RIC1: variants seen among roughly 807,000 people sequenced by gnomAD.
RIC1 encodes the protein RIC1 partner of RAB6A GEF complex.
In RIC1, 88 loss-of-function variants were observed where a neutral mutation model predicts 169.0. The observed-to-expected ratio is 0.52, with a 90% CI of 0.44 to 0.62. RIC1 has a LOEUF of 0.62. Ranked by LOEUF, RIC1 falls within the 20% of genes least tolerant of loss-of-function variation. RIC1 has a pLI of 0.00. For synonymous variants in RIC1, 790 were observed against 601.5 expected, an observed-to-expected ratio of 1.31 and a Z score of -4.59; for missense variants, 1,877 against 1,725.5, an observed-to-expected ratio of 1.09 and a Z score of -1.56.
chr9:5,697,371 G>C (rs1249253658), intron 3 of RIC1, among the ~76,000 whole-genome samples: 1 of 152,134 alleles, frequency 6.6e-6, no homozygotes, highest in Non-Finnish European at 1.5e-5. Context: ...GCTGCCTGCT[G>C]TCTCATGTCT....
chr9:5,670,016 T>G (rs912757566), intron 2 of RIC1, among the ~76,000 whole-genome samples: 4 of 152,188 alleles, frequency 2.6e-5, no homozygotes, highest in African/African-American at 9.7e-5. Context: ...GACTAAAGTT[T>G]GACTAAGCAC....
At position 5,767,159 on chromosome 9, in the gene RIC1, G is replaced by A. The variant is rs534237213; in HGVS notation, c.3137+1361G>A. On this transcript the variant is annotated intron_variant, in intron 21 of 25. Transcript: ENST00000414202. ...TAGGTAATCCAAAAGCCTTCTTAAA[G>A]TCGTAATTTTACCTTTCCTTCTAAT... 2.0e-5 allele frequency among the ~76,000 whole-genome samples: 3 copies of A among 152,330 alleles called. No individual in the cohort carries two copies. In the East Asian group the frequency reaches 5.8e-4, roughly 29 times the overall value.
At chr9:5,637,712 G>A (rs1208680908) in intron 1 of RIC1, among the ~76,000 whole-genome samples, 1 of 152,184 alleles carries the variant, frequency 6.6e-6, no homozygotes, top group Non-Finnish European at 1.5e-5. Flanking sequence ...AACATGCGAT[G>A]TTTGTCTCTC....
intron 1 of RIC1, among the ~76,000 whole-genome samples, chr9:5,646,685 C>G (rs1264826373): frequency 6.6e-6 from 1 of 152,086 alleles, no homozygotes; most frequent in Non-Finnish European, 1.5e-5. Context: ...ACAAAATTGC[C>G]TAGTGATGCA....
chr9:5,736,928 T>C (rs1824747841), intron 7 of RIC1, among the ~76,000 whole-genome samples: 1 of 151,740 alleles, frequency 6.6e-6, no homozygotes, highest in Non-Finnish European at 1.5e-5. Context: ...AGGTAGGACC[T>C]GGATGGGAAT....
chr9:5,667,303 T>C (rs1819833758), intron 2 of RIC1, among the ~76,000 whole-genome samples: 1 of 152,138 alleles, frequency 6.6e-6, no homozygotes, highest in South Asian at 2.1e-4. Context: ...GCCTGGGCAA[T>C]AGAGCAAGAC....
At chr9:5,646,966 C>G (rs1326399728) in intron 1 of RIC1, among the ~76,000 whole-genome samples, 2 of 151,950 alleles carry the variant, frequency 1.3e-5, no homozygotes, top group South Asian at 4.1e-4. Flanking sequence ...GTTTTGATCA[C>G]TTTGAGACAA....
intron 1 of RIC1, among the ~76,000 whole-genome samples, chr9:5,650,657 A>G (rs1489560727): frequency 6.6e-6 from 1 of 152,036 alleles, no homozygotes; most frequent in African/African-American, 2.4e-5. Flanking sequence ...AGTGTGCTGC[A>G]GTCTTGCTGT....
At chr9:5,771,554 C>G (rs1184432021) in intron 23 of RIC1, among the ~76,000 whole-genome samples, 2 of 151,980 alleles carry the variant, frequency 1.3e-5, no homozygotes, top group African/African-American at 2.4e-5. Flanking sequence ...AGAAATGGGA[C>G]TGCTGGGTCA....
intron 2 of RIC1, among the ~76,000 whole-genome samples, chr9:5,667,782 G>A (rs1819864657): frequency 6.6e-6 from 1 of 152,128 alleles, no homozygotes; most frequent in Non-Finnish European, 1.5e-5. Context: ...GGGATTACAG[G>A]CATGAGCCAC....
chr9:5,699,229 G>T (rs1387412839), intron 3 of RIC1, among the ~76,000 whole-genome samples: 3 of 152,204 alleles, frequency 2.0e-5, no homozygotes, highest in Non-Finnish European at 4.4e-5. Flanking sequence ...CCCTATGTCT[G>T]TGTAGTACTG....
chr9:5,728,895 A>C (rs989922670), intron 6 of RIC1, among the ~76,000 whole-genome samples: 1 of 152,186 alleles, frequency 6.6e-6, no homozygotes, highest in Non-Finnish European at 1.5e-5. Flanking sequence ...AAAATAATTT[A>C]TTGAAAACTG....
chr9:5,630,582 G>C (rs1817670848), intron 1 of RIC1, among the ~76,000 whole-genome samples: 1 of 152,112 alleles, frequency 6.6e-6, no homozygotes, highest in South Asian at 2.1e-4. Flanking sequence ...GGTAATTCTG[G>C]TGTCTCCTTT....
At chr9:5,681,501 TGACA>T (rs912309648) in intron 2 of RIC1, among the ~76,000 whole-genome samples, 2 of 152,378 alleles carry the variant, frequency 1.3e-5, no homozygotes, top group Admixed American at 6.5e-5. Flanking sequence ...CACTATGGTC[TGACA>T]GACAGTTTGT....
intron 3 of RIC1, 82 bp downstream of exon 3, chr9:5,690,120 G>A: frequency 1.1e-6 from 1 of 899,420 alleles, no homozygotes; most frequent in Admixed American, 2.9e-5. Flanking sequence ...TGAGTTGTCT[G>A]TAGTGATTAG....
Position 5,757,367 on chromosome 9 carries a change from C to T in RIC1, c.1908C>T (p.Tyr636=), listed in dbSNP as rs377507589. Residue 636 remains tyrosine (Y), a synonymous_variant, in exon 17 of 26, where the codon TAC becomes TAT. Coordinates refer to ENST00000414202, the MANE Select transcript of RIC1 (RefSeq NM_020829.4). ...QVLQEVSMSR[Y]IPHPFLVVSV... ...TTCAGGAGGTTTCCATGTCACGCTA[C>T]ATTCCTCACCCTTTCCTGGTGGTAT... 6.2e-7 allele frequency: 1 copy of T among 1,614,070 alleles called. No homozygotes were observed. Among genetic ancestry groups the T allele is most frequent in the South Asian group, 1.1e-5 (1 of 91,082 alleles).
In RIC1 at chr9:5,762,653, G is replaced by C. The variant is rs566222575; in HGVS notation, c.2105G>C (p.Arg702Thr). 9.9e-6 allele frequency: 16 copies of C among 1,613,328 alleles called. No homozygotes were observed. The highest frequency in any genetic ancestry group is 1.4e-5 in the Non-Finnish European group (16 of 1,179,644). Residue 702 changes from arginine (R) to threonine (T), a missense_variant, in exon 18 of 26, where the codon AGG (arginine) becomes ACG (threonine). This residue lies in a region of RIC1 where 1,104 missense variants were observed against 992.0 expected (regional missense o/e 1.11). Coordinates refer to ENST00000414202, the MANE Select transcript of RIC1 (RefSeq NM_020829.4). ...AAGGACAGTAACCCTAATAACCAAA[G>C]GAAACTTGTGAGTAAAGTACTAGTC... is the stretch of plus-strand genomic sequence containing the variant. ...REKDSNPNNQRKLLPFCPPVV... is the reference protein window; with the variant it reads ...REKDSNPNNQTKLLPFCPPVV...
At chr9:5,741,845 C>T (rs758104432) in intron 8 of RIC1, among the ~76,000 whole-genome samples, 4 of 152,004 alleles carry the variant, frequency 2.6e-5, no homozygotes, top group Non-Finnish European at 4.4e-5. Flanking sequence ...GACTGAGAGC[C>T]GATTGTTTTC....
chr9:5,713,630 A>T (rs1823063614), intron 3 of RIC1: 1 of 263,554 alleles, frequency 3.8e-6, no homozygotes, highest in African/African-American at 2.2e-5. Context: ...GTTCACTTTT[A>T]TTTCAAGTGG....
Sources: gnomAD v4.1 joint callset for allele counts (sites outside exome capture counted in the v4.1 genomes callset) on GRCh38, gnomAD v4.1.1 for gene constraint, gnomAD v4.1.1 regional missense constraint, MANE v1.5 for transcripts, NCBI Gene and HGNC (gene_info 2026-07-23, HGNC 2026-07-21) for gene names.